The following PCDHA6 variants were observed in gnomAD, a reference collection of about 807,000 sequenced individuals.
PCDHA6 encodes the protein protocadherin alpha-6.
A neutral mutation model predicts 60.3 loss-of-function variants in PCDHA6; 55 were observed. That is an observed-to-expected ratio of 0.91 (90% CI 0.73 to 1.14). PCDHA6 has a LOEUF of 1.14. PCDHA6 is among the 50% of genes most tolerant of loss of function. The pLI is 0.00. For synonymous variants in PCDHA6, 652 were observed against 557.9 expected (o/e 1.17, Z -2.38); for missense variants, 1,327 against 1,256.5 (o/e 1.06, Z -0.85).
intron 1 of PCDHA6, among the ~76,000 whole-genome samples, chr5:140,976,475 C>T (rs1160749030): frequency 1.3e-5 from 2 of 151,996 alleles, no homozygotes; most frequent in Non-Finnish European, 1.5e-5. Flanking sequence ...TGCTTGAATC[C>T]GGGAGGCAGA....
rs2150151180 is a variant in PCDHA6, at chr5:140,828,116, T to C, written c.25T>C (p.Leu9=). The C allele has an allele frequency of 2.4e-5, 39 of 1,612,242 alleles. No homozygotes were observed. The highest frequency in any genetic ancestry group is 2.0e-4 in the Admixed American group (12 of 59,914). Reference sequence around the variant, plus strand: ...CATGGTGTTTACCCCGGAGGATAGATTGGGAAAGCAATGTCTGCTCCTCCC... The same window carrying C: ...CATGGTGTTTACCCCGGAGGATAGACTGGGAAAGCAATGTCTGCTCCTCCC... MVFTPEDR[L]GKQCLLLPLL... Residue 9 remains leucine (L), a synonymous_variant, in exon 1 of 4, where the codon TTG becomes CTG. Coordinates refer to ENST00000529310, the MANE Select transcript of PCDHA6 (RefSeq NM_018909.4).
intron 1 of PCDHA6, chr5:140,929,725 A>G (rs1415397730): frequency 9.2e-6 from 2 of 218,138 alleles, no homozygotes; most frequent in Admixed American, 1.2e-4. Flanking sequence ...TGAAACATTT[A>G]CTTAAACTAT....
At chr5:140,916,072 AC>A (rs1445012621) in intron 1 of PCDHA6, among the ~76,000 whole-genome samples, 4 of 152,054 alleles carry the variant, frequency 2.6e-5, no homozygotes, top group Non-Finnish European at 5.9e-5. Flanking sequence ...TGTGGCCAGT[AC>A]TACCACTGGT....
chr5:140,834,265 T>G lies in PCDHA6; in HGVS notation c.2394+3780T>G, dbSNP rs2150214692. 46 of 1,021,472 alleles carry G rather than the reference T, an allele frequency of 4.5e-5. No individual in the cohort carries two copies. The South Asian group carries it at 6.6e-4, about 15-fold the overall frequency. The allele number at this position is 1,021,472 out of a possible 1,614,324, so 63.3% of individuals were successfully genotyped here. On this transcript the variant is annotated intron_variant, in intron 1 of 3. Coordinates refer to ENST00000529310, the MANE Select transcript of PCDHA6 (RefSeq NM_018909.4). ...CGCACTGGAAAGACGCTCCACTCTC[T>G]TTCACTCTTTGGATGCACAACAATG...
chr5:140,910,324 T>C (rs2074979860), intron 1 of PCDHA6, among the ~76,000 whole-genome samples: 3 of 152,220 alleles, frequency 2.0e-5, no homozygotes, highest in Non-Finnish European at 4.4e-5. Flanking sequence ...AGTCAGACTA[T>C]TGTGATTGCT....
intron 1 of PCDHA6, chr5:140,847,393 A>G (rs997317821): frequency 1.3e-5 from 2 of 149,740 alleles, no homozygotes; most frequent in African/African-American, 4.9e-5. Context: ...AAAAACATTA[A>G]TGGCACAATA....
intron 1 of PCDHA6, among the ~76,000 whole-genome samples, chr5:140,959,240 G>A (rs1554223957): frequency 1.3e-5 from 2 of 152,074 alleles, no homozygotes; most frequent in African/African-American, 4.8e-5. Flanking sequence ...ATCTGGGCAT[G>A]ATAGTGCATG....
chr5:140,897,104 C>A (rs1474457154), intron 1 of PCDHA6, among the ~76,000 whole-genome samples: 1 of 152,116 alleles, frequency 6.6e-6, no homozygotes, highest in Non-Finnish European at 1.5e-5. Flanking sequence ...TTAAAAATCT[C>A]CACTTTCTGT....
rs1374109552 is a variant in PCDHA6 at position 141,010,068 on chromosome 5, T to C, written c.*131T>C. On this transcript the variant is annotated 3_prime_UTR_variant, in exon 4 of 4. Transcript: ENST00000529310. ...AGAGACCTCAGAAATCTGCAGAAAGTTCCCTGTGTCTGTCTAGAACGCATT... is the reference window on the plus strand; with the variant it reads ...AGAGACCTCAGAAATCTGCAGAAAGCTCCCTGTGTCTGTCTAGAACGCATT... 4 of 1,604,732 alleles carry C rather than the reference T, an allele frequency of 2.5e-6. No homozygotes were observed. Among genetic ancestry groups the C allele is most frequent in the Non-Finnish European group, 3.4e-6 (4 of 1,175,400 alleles).
At chr5:140,870,285 C>G (rs1315531348) in intron 1 of PCDHA6, 1 of 1,614,108 alleles carries the variant, frequency 6.2e-7, no homozygotes, top group Non-Finnish European at 8.5e-7. Flanking sequence ...ACGTTCCCTT[C>G]AAGCTGGTGT....
chr5:140,928,081 C>T (rs782268064), intron 1 of PCDHA6: 1 of 1,614,090 alleles, frequency 6.2e-7, no homozygotes, highest in Non-Finnish European at 8.5e-7. Context: ...CTACTACAGC[C>T]TGCTGATTGA....
intron 1 of PCDHA6, chr5:140,841,584 C>G (rs2150318562): frequency 1.2e-6 from 2 of 1,614,028 alleles, no homozygotes; most frequent in South Asian, 1.1e-5. Flanking sequence ...TTTGTGAATT[C>G]TCGGATCGAC....
rs1169646324 is a variant in PCDHA6 at position 141,011,134 on chromosome 5, ATACACAACCT to A, written c.*1199_*1208del. The A allele has an allele frequency of 6.5e-6, 1 of 153,688 alleles. No homozygotes were observed. Among genetic ancestry groups the A allele is most frequent in the East Asian group, 1.9e-4 (1 of 5,194 alleles). The allele number at this position is 153,688 out of a possible 1,614,324, so 9.5% of individuals were successfully genotyped here. ...CTAAGAAACAATTATGTGCACTTTG[ATACACAACCT>A]TCTCTAACCAACTATATATCAAGAC... On this transcript the variant is annotated 3_prime_UTR_variant, in exon 4 of 4. Transcript: ENST00000529310.
chr5:140,865,392 A>G (rs1554159412), intron 1 of PCDHA6: 1 of 152,244 alleles, frequency 6.6e-6, no homozygotes, highest in Non-Finnish European at 1.5e-5. Context: ...TAAAGTTAAT[A>G]TAAATGCTGA....
rs2150458780 is a variant in PCDHA6, at chr5:140,849,941, T to A, written c.2394+19456T>A. ...TCTTCACGGTGTCTGCGCGGGACGC[T>A]GACGCGCAGGAGAACGCCCTGGTGT... On this transcript the variant is annotated intron_variant, in intron 1 of 3. Transcript: ENST00000529310. The A allele has an allele frequency of 1.5e-5, 24 of 1,597,306 alleles. 2 individuals carry two copies. Among genetic ancestry groups the A allele is most frequent in the Non-Finnish European group, 1.9e-5 (22 of 1,167,576 alleles).
At chr5:140,836,282 G>C (rs1554135789) in intron 1 of PCDHA6, 6 of 1,613,806 alleles carry the variant, frequency 3.7e-6, no homozygotes, top group Non-Finnish European at 5.1e-6. Context: ...AGATCAGCAC[G>C]ACACGAGCCC....
At chr5:140,848,891 G>A in intron 1 of PCDHA6, 1 of 1,600,726 alleles carries the variant, frequency 6.2e-7, no homozygotes, top group South Asian at 1.1e-5. Flanking sequence ...ACCCTCCAGT[G>A]TTCCCAGCGA....
At chr5:140,832,869 C>T (rs1354245484) in intron 1 of PCDHA6, among the ~76,000 whole-genome samples, 1 of 152,030 alleles carries the variant, frequency 6.6e-6, no homozygotes, top group Non-Finnish European at 1.5e-5. Flanking sequence ...TGATGTTTTA[C>T]TGGTTATAAA....
intron 1 of PCDHA6, among the ~76,000 whole-genome samples, chr5:140,878,377 T>C (rs2057568265): frequency 6.6e-6 from 1 of 152,274 alleles, no homozygotes; most frequent in Non-Finnish European, 1.5e-5. Flanking sequence ...ATATGATGAA[T>C]GATTTTCTTC....
Sources: gnomAD v4.1 joint callset for allele counts (sites outside exome capture counted in the v4.1 genomes callset) on GRCh38, gnomAD v4.1.1 for gene constraint, MANE v1.5 for transcripts, NCBI Gene and HGNC (gene_info 2026-07-23, HGNC 2026-07-21) for gene names.